RBMS3: variants seen among roughly 807,000 people sequenced by gnomAD.
RBMS3 encodes RNA binding motif single stranded interacting protein 3, also known as RNA-binding motif, single-stranded-interacting protein 3.
Under a neutral mutation model 66.8 loss-of-function variants are expected in RBMS3, and 27 were observed. That is an observed-to-expected ratio of 0.40 (90% CI 0.30 to 0.56). The LOEUF is 0.56. Among genes scored for constraint, RBMS3 ranks in the 20% least tolerant of loss-of-function variants. The pLI is 0.40. For synonymous variants in RBMS3, 188 were observed against 183.0 expected (o/e 1.03, Z -0.22); for missense variants, 513 against 549.5 (o/e 0.93, Z 0.66).
intron 4 of RBMS3, among the ~76,000 whole-genome samples, chr3:29,655,219 T>G (rs1559541289): frequency 6.6e-6 from 1 of 152,212 alleles, no homozygotes; most frequent in Non-Finnish European, 1.5e-5. Flanking sequence ...TTGTGAATAC[T>G]AAGTGGCATT....
At chr3:29,471,714 CTTAGT>C (rs1185958643) in intron 2 of RBMS3, among the ~76,000 whole-genome samples, 2,750 of 125,528 alleles carry the variant, frequency 0.022, 112 homozygotes, top group African/African-American at 0.071. Flanking sequence ...ATCATGAGGA[CTTAGT>C]TTTTTTTTTT....
chr3:29,311,422 G>A (rs1179564413), intron 1 of RBMS3, among the ~76,000 whole-genome samples: 1 of 151,698 alleles, frequency 6.6e-6, no homozygotes, highest in Non-Finnish European at 1.5e-5. Flanking sequence ...GTCTGAGTGC[G>A]AGGTGCACTG....
At chr3:29,394,348 T>C (rs1201181444) in intron 1 of RBMS3, among the ~76,000 whole-genome samples, 1 of 152,220 alleles carries the variant, frequency 6.6e-6, no homozygotes, top group Non-Finnish European at 1.5e-5. Context: ...GTTATCCTGT[T>C]CCTTTTCAGG....
chr3:30,007,268 T>C lies in RBMS3; in HGVS notation c.*3406T>C, dbSNP rs1699826659. The C allele has an allele frequency of 6.6e-6, 1 of 152,144 alleles. No individual in the cohort carries two copies. Among genetic ancestry groups the C allele is most frequent in the South Asian group, 2.1e-4 (1 of 4,838 alleles). 9.4% of individuals were successfully genotyped at this position (152,144 alleles called of 1,614,324 possible). A position where few individuals can be genotyped will look rare whatever the true frequency, so the allele number is the denominator to read the frequency against. On this transcript the variant is annotated 3_prime_UTR_variant, in exon 15 of 15. Coordinates refer to ENST00000383767, the MANE Select transcript of RBMS3 (RefSeq NM_001003793.3). ...ATATTGTAGTGATTTGTTTGTTTGT[T>C]TGTTTGAGACGGAGTCTCGCTCTGT...
At chr3:29,772,100 A>T (rs2056232255) in intron 6 of RBMS3, among the ~76,000 whole-genome samples, 1 of 151,958 alleles carries the variant, frequency 6.6e-6, no homozygotes, top group Non-Finnish European at 1.5e-5. Flanking sequence ...GTGTGCAAAG[A>T]ATTAACCCAA....
intron 6 of RBMS3, among the ~76,000 whole-genome samples, chr3:29,852,637 C>G (rs1487881458): frequency 6.6e-6 from 1 of 152,056 alleles, no homozygotes; most frequent in East Asian, 1.9e-4. Flanking sequence ...GTCAGAATGG[C>G]CATTACTAAA....
intron 3 of RBMS3, among the ~76,000 whole-genome samples, chr3:29,530,877 A>C (rs950632922): frequency 3.3e-5 from 5 of 152,044 alleles, no homozygotes; most frequent in African/African-American, 1.2e-4. Flanking sequence ...ATCTCAAAAA[A>C]AAAAAAAAAG....
intron 2 of RBMS3, among the ~76,000 whole-genome samples, chr3:29,455,936 A>G (rs1251959221): frequency 6.6e-6 from 1 of 152,202 alleles, no homozygotes; most frequent in African/African-American, 2.4e-5. Context: ...AAGAATGTGC[A>G]TATCAGGCTG....
chr3:29,884,354 G>GT (rs1270510978), intron 8 of RBMS3, 146 bp downstream of exon 8: 3 of 589,896 alleles, frequency 5.1e-6, no homozygotes, highest in Non-Finnish European at 5.4e-6. Context: ...CATCATTATA[G>GT]TTTTTTTCAT....
intron 1 of RBMS3, among the ~76,000 whole-genome samples, chr3:29,396,096 G>T (rs72852352): frequency 6.6e-6 from 1 of 152,200 alleles, no homozygotes; most frequent in African/African-American, 2.4e-5. Context: ...TGAGGCGCAG[G>T]TGGATATCAT....
At chr3:29,929,126 C>G (rs751292730) in intron 10 of RBMS3, among the ~76,000 whole-genome samples, 11 of 152,160 alleles carry the variant, frequency 7.2e-5, no homozygotes, top group Non-Finnish European at 1.2e-4. Context: ...ATCAAGTGTA[C>G]AAGTTTAATG....
chr3:29,668,967 C>T (rs1428403014), intron 4 of RBMS3, among the ~76,000 whole-genome samples: 1 of 152,298 alleles, frequency 6.6e-6, no homozygotes, highest in African/African-American at 2.4e-5. Flanking sequence ...TCATTTTCCC[C>T]TTTGCCAGAT....
At chr3:29,976,770 G>A (rs572343395) in intron 12 of RBMS3, among the ~76,000 whole-genome samples, 1 of 148,708 alleles carries the variant, frequency 6.7e-6, no homozygotes, top group Non-Finnish European at 1.5e-5. Flanking sequence ...GTATCAATTT[G>A]CCAAACCAGG....
At chr3:29,555,875 C>T (rs1010556663) in intron 3 of RBMS3, among the ~76,000 whole-genome samples, 2 of 109,762 alleles carry the variant, frequency 1.8e-5, no homozygotes, top group African/African-American at 8.2e-5. Flanking sequence ...TGAGAAAAGA[C>T]ATATTTCAAA....
intron 4 of RBMS3, among the ~76,000 whole-genome samples, chr3:29,683,000 T>A (rs1338477132): frequency 2.6e-5 from 4 of 152,198 alleles, no homozygotes. Flanking sequence ...AATGTCCAGT[T>A]CAACTTCACT....
At chr3:29,516,094 A>G (rs1342179298) in intron 3 of RBMS3, among the ~76,000 whole-genome samples, 2 of 152,202 alleles carry the variant, frequency 1.3e-5, no homozygotes, top group Non-Finnish European at 2.9e-5. Context: ...TCAGGAAGAC[A>G]TGGGGACCAA....
chr3:29,602,317 T>C lies in RBMS3; in HGVS notation c.399+15112T>C, dbSNP rs114714074. 7.8e-3 allele frequency among the ~76,000 whole-genome samples: 1,180 copies of C among 152,116 alleles called. 16 individuals are homozygous for C. Among genetic ancestry groups the C allele is most frequent in the African/African-American group, 0.027 (1,123 of 41,528 alleles). On this transcript the variant is annotated intron_variant, in intron 4 of 14. Coordinates refer to ENST00000383767, the MANE Select transcript of RBMS3 (RefSeq NM_001003793.3). ...GGACCCATGTCTGAAACGTTCAGTC[T>C]TGGCAATCAAGGCTCTCACCTCAGC...
At chr3:29,312,745 A>G (rs1333532116) in intron 1 of RBMS3, among the ~76,000 whole-genome samples, 1 of 150,780 alleles carries the variant, frequency 6.6e-6, no homozygotes, top group Non-Finnish European at 1.5e-5. Flanking sequence ...GCAAATATAG[A>G]GATGAAGTCC....
Position 29,796,044 on chromosome 3 carries a change from A to G in RBMS3, c.637+33055A>G, listed in dbSNP as rs142873280. 8.5e-5 allele frequency among the ~76,000 whole-genome samples: 13 copies of G among 152,360 alleles called. No homozygotes were observed. In the East Asian group the frequency reaches 2.3e-3, roughly 27 times the overall value. On this transcript the variant is annotated intron_variant, in intron 6 of 14. Coordinates refer to ENST00000383767, the MANE Select transcript of RBMS3 (RefSeq NM_001003793.3). The stretch of plus-strand genomic sequence containing the variant: ...GATACCTCAGAGGTATTGTGGGTTC[A>G]GTTCCAGACTACTGCAATAAAGCAA...
Sources: gnomAD v4.1 joint callset for allele counts (sites outside exome capture counted in the v4.1 genomes callset) on GRCh38, gnomAD v4.1.1 for gene constraint, MANE v1.5 for transcripts, NCBI Gene and HGNC (gene_info 2026-07-23, HGNC 2026-07-21) for gene names.